The following FAT3 variants were observed in gnomAD, a reference collection of about 807,000 sequenced individuals.
FAT3 encodes protocadherin Fat 3.
In FAT3, 95 loss-of-function variants were observed where a neutral mutation model predicts 310.2. The observed-to-expected ratio is 0.31, with a 90% CI of 0.26 to 0.36. The LOEUF is 0.36. Among genes scored for constraint, FAT3 ranks in the 10% least tolerant of loss-of-function variants. The pLI is 1.00. For synonymous variants in FAT3, 2,314 were observed against 2,192.9 expected, an observed-to-expected ratio of 1.06 and a Z score of -1.54; for missense variants, 5,408 against 5,715.6, an observed-to-expected ratio of 0.95 and a Z score of 1.74.
chr11:92,329,338 T>C (rs1947847293), intron 1 of FAT3, among the ~76,000 whole-genome samples: 2 of 151,960 alleles, frequency 1.3e-5, no homozygotes, highest in South Asian at 2.1e-4. Flanking sequence ...GAGAGCTGGC[T>C]GTTAAAAAGA....
chr11:92,762,808 C>A (rs10830943), intron 5 of FAT3, among the ~76,000 whole-genome samples: 63,132 of 151,886 alleles, frequency 0.42, 14,989 homozygotes, highest in South Asian at 0.64. Context: ...ACCACTTTAG[C>A]CAGGTAGTAC....
At chr11:92,515,026 C>G (rs1424386971) in intron 2 of FAT3, among the ~76,000 whole-genome samples, 1 of 152,034 alleles carries the variant, frequency 6.6e-6, no homozygotes, top group Non-Finnish European at 1.5e-5. Context: ...AGAATTGTAT[C>G]TAGTGTTCTT....
chr11:92,311,245 C>T (rs764110645), intron 1 of FAT3, among the ~76,000 whole-genome samples: 4 of 151,980 alleles, frequency 2.6e-5, no homozygotes, highest in Non-Finnish European at 5.9e-5. Flanking sequence ...CAGTTGGAAA[C>T]CAACTGAGCT....
chr11:92,506,659 A>T (rs887272685), intron 2 of FAT3, among the ~76,000 whole-genome samples: 4 of 152,154 alleles, frequency 2.6e-5, no homozygotes, highest in African/African-American at 9.7e-5. Context: ...TTCTGATTAT[A>T]TGCATGTTAT....
chr11:92,771,583 A>G (rs1381809754), intron 6 of FAT3, among the ~76,000 whole-genome samples: 1 of 152,108 alleles, frequency 6.6e-6, no homozygotes. Context: ...GCTGCTAGCT[A>G]TATTGGTAAG....
intron 6 of FAT3, among the ~76,000 whole-genome samples, chr11:92,773,472 C>G (rs1946511347): frequency 2.6e-5 from 4 of 152,030 alleles, no homozygotes; most frequent in South Asian, 2.1e-4. Flanking sequence ...CTATAAATAT[C>G]CCAGCTTGCA....
intron 4 of FAT3, among the ~76,000 whole-genome samples, chr11:92,739,281 A>G (rs1260347034): frequency 6.6e-6 from 1 of 152,156 alleles, no homozygotes; most frequent in East Asian, 1.9e-4. Context: ...CTGATACCTC[A>G]TGCAATCTTT....
At chr11:92,876,864 A>G (rs1243119452) in intron 22 of FAT3, among the ~76,000 whole-genome samples, 1 of 152,242 alleles carries the variant, frequency 6.6e-6, no homozygotes, top group Admixed American at 6.5e-5. Flanking sequence ...ATCAAGCTTT[A>G]TAATCCCAAC....
intron 2 of FAT3, among the ~76,000 whole-genome samples, chr11:92,490,124 G>A (rs1329403081): frequency 1.3e-5 from 2 of 151,956 alleles, no homozygotes; most frequent in Non-Finnish European, 1.5e-5. Flanking sequence ...ACTTTTTTAA[G>A]AATTAGTTAT....
intron 1 of FAT3, among the ~76,000 whole-genome samples, chr11:92,287,519 C>A (rs981266667): frequency 1.3e-5 from 2 of 152,118 alleles, no homozygotes; most frequent in African/African-American, 4.8e-5. Context: ...TACTTTAGAG[C>A]TGGGTTTCCC....
At chr11:92,591,248 G>A (rs1004903892) in intron 3 of FAT3, among the ~76,000 whole-genome samples, 3 of 152,244 alleles carry the variant, frequency 2.0e-5, no homozygotes, top group African/African-American at 7.2e-5. Flanking sequence ...CTCTTAGGCT[G>A]AAGTTTAATA....
chr11:92,624,764 G>A (rs1013399048), intron 3 of FAT3, among the ~76,000 whole-genome samples: 8 of 152,296 alleles, frequency 5.3e-5, no homozygotes, highest in Admixed American at 4.6e-4. Context: ...CACAAACTGA[G>A]TGACTTAAAC....
chr11:92,335,913 A>G lies in FAT3; in HGVS notation c.-17-16183A>G, dbSNP rs572521046. On this transcript the variant is annotated intron_variant, in intron 1 of 27. Coordinates refer to ENST00000525166, the MANE Select transcript of FAT3 (RefSeq NM_001367949.2). The stretch of plus-strand genomic sequence containing the variant: ...AAGTCCAAAGTTTCAAAAACATCAG[A>G]TTGGTATGCATTGACTCCTATGGAT... 4.3e-4 allele frequency: 119 copies of G among 277,536 alleles called. 2 individuals are homozygous for G. The South Asian group carries it at 4.7e-3, about 11-fold the overall frequency. The allele number at this position is 277,536 out of a possible 1,614,324, so 17.2% of individuals were successfully genotyped here.
intron 2 of FAT3, among the ~76,000 whole-genome samples, chr11:92,451,925 A>G (rs1381971689): frequency 6.6e-6 from 1 of 152,206 alleles, no homozygotes; most frequent in African/African-American, 2.4e-5. Flanking sequence ...ATGCCTAAAC[A>G]AGTGCAATGC....
chr11:92,690,440 G>C (rs949946711), intron 3 of FAT3, among the ~76,000 whole-genome samples: 7 of 152,152 alleles, frequency 4.6e-5, no homozygotes, highest in Non-Finnish European at 8.8e-5. Context: ...GCAGCACCAT[G>C]TGCTCAATTG....
At chr11:92,559,412 T>A (rs544624717) in intron 3 of FAT3, 271 of 185,004 alleles carry the variant, frequency 1.5e-3, no homozygotes, top group Non-Finnish European at 2.2e-3. Flanking sequence ...TGAAACAGGG[T>A]CTTGCTCTGT....
At chr11:92,450,638 C>T (rs889161314) in intron 2 of FAT3, among the ~76,000 whole-genome samples, 1 of 152,098 alleles carries the variant, frequency 6.6e-6, no homozygotes, top group African/African-American at 2.4e-5. Flanking sequence ...GGAATTTGGA[C>T]CTGTATCTCA....
Position 92,883,437 on chromosome 11 carries a change from A to G in FAT3, c.12937+44A>G. Reference sequence around the variant, plus strand: ...TGCTCACCCCTCGGTGCTTACAGGGAACCTGCAGGGGCGCTGTGCGAGGAC... The same window carrying G: ...TGCTCACCCCTCGGTGCTTACAGGGGACCTGCAGGGGCGCTGTGCGAGGAC... On this transcript the variant is annotated intron_variant, in intron 24 of 27. Transcript: ENST00000525166. The surrounding 1 kb of genome is among the most constrained non-coding windows in gnomAD (Gnocchi z 4.2). 1 of 1,560,496 alleles carries G rather than the reference A, an allele frequency of 6.4e-7. No homozygotes were observed. Among genetic ancestry groups the G allele is most frequent in the Non-Finnish European group, 8.7e-7 (1 of 1,151,444 alleles).
intron 3 of FAT3, among the ~76,000 whole-genome samples, chr11:92,608,654 A>T (rs1196515113): frequency 6.6e-6 from 1 of 151,930 alleles, no homozygotes; most frequent in Non-Finnish European, 1.5e-5. Context: ...TGAGAATCAG[A>T]GAACTGATAA....
Sources: gnomAD v4.1 joint callset for allele counts (sites outside exome capture counted in the v4.1 genomes callset) on GRCh38, gnomAD v4.1.1 for gene constraint, Gnocchi (gnomAD v3.1) non-coding constraint, MANE v1.5 for transcripts, NCBI Gene and HGNC (gene_info 2026-07-23, HGNC 2026-07-21) for gene names.